Variants in DCAF5 observed in about 807,000 individuals in gnomAD.
DCAF5 encodes DDB1- and CUL4-associated factor 5.
In DCAF5, 9 loss-of-function variants were observed where a neutral mutation model predicts 80.7. That is an observed-to-expected ratio of 0.11 (90% confidence interval 0.07 to 0.19). The LOEUF (loss-of-function observed/expected upper bound fraction) is 0.19. Among genes scored for constraint, DCAF5 ranks in the 10% least tolerant of loss-of-function variants. DCAF5 has a pLI of 1.00. For synonymous variants in DCAF5, 433 were observed against 461.9 expected (o/e 0.94, Z 0.80); for missense variants, 842 against 1,205.7 (o/e 0.70, Z 4.47).
intron 7 of DCAF5, among the ~76,000 whole-genome samples, chr14:69,073,946 T>C (rs949691046): frequency 2.0e-5 from 3 of 152,360 alleles, no homozygotes; most frequent in Middle Eastern, 6.8e-3. Context: ...ACATCACTCT[T>C]TGTTCAGGTA....
chr14:69,085,080 T>C (rs1399309260), intron 6 of DCAF5: 3 of 1,046,916 alleles, frequency 2.9e-6, no homozygotes, highest in Non-Finnish European at 4.5e-6. Context: ...GCTTGAGAAA[T>C]TGATTCAAAA....
chr14:69,091,932 C>T (rs2039546610), intron 5 of DCAF5, 45 bp from the exon 6 acceptor site: 1 of 1,516,202 alleles, frequency 6.6e-7, no homozygotes, highest in African/African-American at 1.4e-5. Context: ...ATAGGCTAAA[C>T]AAGAGTCTGA....
chr14:69,053,730 C>A lies in DCAF5; in HGVS notation c.*127G>T, dbSNP rs1158620610. 6 of 869,214 alleles carry A rather than the reference C, an allele frequency of 6.9e-6. No homozygotes were observed. In the Admixed American group the frequency reaches 1.6e-4, roughly 23 times the overall value. The allele number at this position is 869,214 out of a possible 1,614,324, so 53.8% of individuals were successfully genotyped here. On this transcript the variant is annotated 3_prime_UTR_variant, in exon 9 of 9. Transcript: ENST00000341516. ...TTGGATAGAAGGGAGCAGCATCAGA[C>A]ACAAAATTTCAGGCCCTGGTTTCAT...
At position 69,054,398 on chromosome 14, in the gene DCAF5, T is replaced by A; in HGVS notation, c.2288A>T (p.Gln763Leu). Reference protein sequence around the residue: ...AWAEVPEGTSQDTGNSGSVEH... With the variant: ...AWAEVPEGTSLDTGNSGSVEH... ...TACAGAGCCGCTATTGCCAGTGTCC[T>A]GAGAGGTACCCTCTGGCACCTCTGC... The change falls in exon 9 of 9, where the codon CAG becomes CTG. Residue 763 changes from glutamine (Q) to leucine (L), a missense_variant. By Grantham distance (113) the Gln-to-Leu change is moderately radical. Transcript: ENST00000341516. 6.2e-7 allele frequency: 1 copy of A among 1,614,122 alleles called. No homozygotes were observed. Among genetic ancestry groups the A allele is most frequent in the African/African-American group, 1.3e-5 (1 of 75,082 alleles).
chr14:69,081,050 AAAT>A (rs202206318), intron 6 of DCAF5, among the ~76,000 whole-genome samples: 3,061 of 151,298 alleles, frequency 0.02, 108 homozygotes, highest in African/African-American at 0.073. Context: ...AGGAAAAAAT[AAAT>A]AATAAGATTT....
In DCAF5 at chr14:69,055,186, T is replaced by C. The variant is rs1594919971; in HGVS notation, c.1500A>G (p.Thr500=). Residue 500 remains threonine (T), a synonymous_variant, in exon 9 of 9, where the codon ACA becomes ACG. Coordinates refer to ENST00000341516, the MANE Select transcript of DCAF5 (RefSeq NM_003861.3). This position sits in a 1 kb window ranked among gnomAD's most constrained non-coding sequence, Gnocchi z 5.6. ...GAGAGGCTGCATCCTCACACGTGGGTGTTGGTGGAGTTGAGGCTACTGTGT... is the reference window on the plus strand; with the variant it reads ...GAGAGGCTGCATCCTCACACGTGGGCGTTGGTGGAGTTGAGGCTACTGTGT... ...TTNTVASTPP[T]PTCEDAASRQ... is the part of the protein sequence containing the mutation. The C allele has an allele frequency of 1.2e-6, 2 of 1,613,962 alleles. No homozygotes were observed. Among genetic ancestry groups the C allele is most frequent in the Non-Finnish European group, 1.7e-6 (2 of 1,179,982 alleles).
chr14:69,090,817 A>T, intron 6 of DCAF5: 1 of 390,416 alleles, frequency 2.6e-6, no homozygotes, highest in East Asian at 4.2e-5. Context: ...AGAACACTAA[A>T]CATTAGCGAG....
At chr14:69,122,120 A>T in intron 2 of DCAF5, 97 bp downstream of exon 2, 1 of 1,443,362 alleles carries the variant, frequency 6.9e-7, no homozygotes, top group Non-Finnish European at 9.6e-7. Context: ...CCACAGCTCA[A>T]TGAAATACAG....
At chr14:69,059,929 C>G (rs182259505) in intron 8 of DCAF5, among the ~76,000 whole-genome samples, 10 of 152,136 alleles carry the variant, frequency 6.6e-5, no homozygotes, top group Non-Finnish European at 1.5e-4. Flanking sequence ...TCTCTTTTTC[C>G]TCTGAGAACT....
intron 5 of DCAF5, among the ~76,000 whole-genome samples, chr14:69,096,794 G>A (rs376286040): frequency 1.3e-5 from 2 of 152,256 alleles, no homozygotes; most frequent in East Asian, 1.9e-4. Context: ...ATTCAAAAAC[G>A]CCCTCTACCC....
intron 1 of DCAF5, among the ~76,000 whole-genome samples, chr14:69,134,285 G>A (rs1304663604): frequency 2.0e-5 from 3 of 152,114 alleles, no homozygotes; most frequent in Non-Finnish European, 2.9e-5. Context: ...TAATAATTAC[G>A]TATTTTAAGG....
At chr14:69,094,493 G>A (rs1431519141) in intron 5 of DCAF5, among the ~76,000 whole-genome samples, 2 of 152,166 alleles carry the variant, frequency 1.3e-5, no homozygotes, top group Non-Finnish European at 2.9e-5. Flanking sequence ...GAATGCTTAG[G>A]GGTGCTATTT....
chr14:69,101,767 CATGTTACTAT>C (rs2039959956), intron 5 of DCAF5, among the ~76,000 whole-genome samples: 1 of 152,136 alleles, frequency 6.6e-6, no homozygotes, highest in African/African-American at 2.4e-5. Flanking sequence ...ACCTGTACAG[CATGTTACTAT>C]ATGTTATTAT....
At chr14:69,084,815 T>C (rs1199618598) in intron 6 of DCAF5, 11 of 1,084,766 alleles carry the variant, frequency 1.0e-5, no homozygotes, top group Admixed American at 1.8e-5. Flanking sequence ...AGGAACACTA[T>C]TGTGTACAGA....
intron 6 of DCAF5, among the ~76,000 whole-genome samples, chr14:69,086,226 C>T (rs1423434046): frequency 6.6e-6 from 1 of 152,078 alleles, no homozygotes; most frequent in Non-Finnish European, 1.5e-5. Flanking sequence ...GGCGTGGTGG[C>T]GCGTGCCTAT....
At chr14:69,061,719 T>C (rs1207119555) in intron 8 of DCAF5, among the ~76,000 whole-genome samples, 3 of 152,232 alleles carry the variant, frequency 2.0e-5, no homozygotes, top group Non-Finnish European at 2.9e-5. Flanking sequence ...ACTGAGGGCA[T>C]AGTGGCTCTC....
chr14:69,118,003 CCCATGTGAGTGTTTCACATTT>C lies in DCAF5; in HGVS notation c.535+115_535+135del. On this transcript the variant is annotated intron_variant, in intron 4 of 8. Transcript: ENST00000341516. This position sits in a 1 kb window ranked among gnomAD's most constrained non-coding sequence, Gnocchi z 4.0. The stretch of plus-strand genomic sequence containing the variant: ...AAGGCCTCCAAAGACCTCTTATGCC[CCCATGTGAGTGTTTCACATTT>C]CCTTTCCCTTGACATCACTTGCACA... The C allele has an allele frequency of 8.0e-7, 1 of 1,255,530 alleles. No individual in the cohort carries two copies. Among genetic ancestry groups the C allele is most frequent in the Non-Finnish European group, 1.1e-6 (1 of 882,252 alleles). The allele number at this position is 1,255,530 out of a possible 1,614,324, so 77.8% of individuals were successfully genotyped here.
intron 1 of DCAF5, among the ~76,000 whole-genome samples, chr14:69,132,980 A>T (rs2041085420): frequency 6.6e-6 from 1 of 152,254 alleles, no homozygotes; most frequent in South Asian, 2.1e-4. Flanking sequence ...AGATCTGTGT[A>T]AAAGACTTGG....
At chr14:69,068,849 C>G (rs958552100) in intron 7 of DCAF5, among the ~76,000 whole-genome samples, 1 of 152,150 alleles carries the variant, frequency 6.6e-6, no homozygotes, top group Admixed American at 6.5e-5. Context: ...AGAGGACCAT[C>G]AAGGATACTG....
Sources: gnomAD v4.1 joint callset for allele counts (sites outside exome capture counted in the v4.1 genomes callset) on GRCh38, gnomAD v4.1.1 for gene constraint, Gnocchi (gnomAD v3.1) non-coding constraint, MANE v1.5 for transcripts, NCBI Gene and HGNC (gene_info 2026-07-23, HGNC 2026-07-21) for gene names.